PCDHGA1: variants seen among roughly 807,000 people sequenced by gnomAD.
PCDHGA1 encodes the protein protocadherin gamma subfamily A, 1.
In PCDHGA1, 32 loss-of-function variants were observed where a neutral mutation model predicts 58.0. The ratio of observed to expected loss-of-function variants is 0.55; its 90% CI spans 0.42 to 0.74. PCDHGA1 has a LOEUF of 0.74. PCDHGA1 is among the 30% of genes least tolerant of loss of function. The pLI, the probability that PCDHGA1 is intolerant of heterozygous loss-of-function variation, is 0.00. For synonymous variants in PCDHGA1, 498 were observed against 501.1 expected (o/e 0.99, Z 0.08); for missense variants, 1,205 against 1,182.3 (o/e 1.02, Z -0.28).
chr5:141,430,910 G>C, intron 1 of PCDHGA1: 2 of 1,608,040 alleles, frequency 1.2e-6, no homozygotes, highest in South Asian at 1.1e-5. Context: ...CATCTCCAGG[G>C]ACCTGGGGCT....
Position 141,476,873 on chromosome 5 carries a change from G to A in PCDHGA1, c.2422-17934G>A. 1.9e-6 allele frequency: 3 copies of A among 1,613,936 alleles called. No homozygotes were observed. Among genetic ancestry groups the A allele is most frequent in the Non-Finnish European group, 2.5e-6 (3 of 1,180,038 alleles). Reference sequence around the variant, plus strand: ...CAACCAGTCCTTGTACCGGGCGCGCGTCCTGGAGGATGCACCCTCCGGCAC... The same window carrying A: ...CAACCAGTCCTTGTACCGGGCGCGCATCCTGGAGGATGCACCCTCCGGCAC... On this transcript the variant is annotated intron_variant, in intron 1 of 3. Transcript: ENST00000517417. The surrounding 1 kb of genome is among the most constrained non-coding windows in gnomAD (Gnocchi z 7.6).
intron 1 of PCDHGA1, among the ~76,000 whole-genome samples, chr5:141,437,452 G>GACTAT (rs1319101256): frequency 6.6e-6 from 1 of 152,144 alleles, no homozygotes; most frequent in Non-Finnish European, 1.5e-5. Context: ...ATGTTGAGGA[G>GACTAT]ACTATACTAT....
chr5:141,361,971 C>G (rs766740783), intron 1 of PCDHGA1: 1 of 1,601,080 alleles, frequency 6.2e-7, no homozygotes, highest in South Asian at 1.1e-5. Context: ...TGCAGGCCAG[C>G]GAGCCCGGGC....
intron 1 of PCDHGA1, among the ~76,000 whole-genome samples, chr5:141,466,815 A>G (rs1019952491): frequency 1.3e-5 from 2 of 152,182 alleles, no homozygotes; most frequent in Non-Finnish European, 2.9e-5. Flanking sequence ...CAGACATGGT[A>G]TAACAAGTTA....
chr5:141,492,487 C>T (rs1031047955), intron 1 of PCDHGA1, among the ~76,000 whole-genome samples: 1 of 152,222 alleles, frequency 6.6e-6, no homozygotes, highest in Non-Finnish European at 1.5e-5. Context: ...CGCCCAGGAC[C>T]AGGCGAGGAC....
intron 3 of PCDHGA1, 43 bp from the exon 4 acceptor site, chr5:141,510,903 GA>G: frequency 6.2e-7 from 1 of 1,613,454 alleles, no homozygotes; most frequent in Non-Finnish European, 8.5e-7. Flanking sequence ...GACTGTTGAG[GA>G]CCCTAAGTTT....
intron 1 of PCDHGA1, chr5:141,361,711 C>T (rs1232188461): frequency 6.2e-7 from 1 of 1,613,302 alleles, no homozygotes; most frequent in African/African-American, 1.3e-5. Flanking sequence ...TGAGCAGCTG[C>T]GCGCCTTCGA....
At position 141,356,140 on chromosome 5, in the gene PCDHGA1, T is replaced by C. The variant is rs756946574; in HGVS notation, c.2421+23035T>C. ...GGGTCTAGATTATGAGGACTCTGGA[T>C]TCTATGACATAGATGTAGAAGCCCA... On this transcript the variant is annotated intron_variant, in intron 1 of 3. Transcript: ENST00000517417. 2.0e-5 allele frequency: 32 copies of C among 1,613,616 alleles called. No homozygotes were observed. Among genetic ancestry groups the C allele is most frequent in the Non-Finnish European group, 2.5e-5 (30 of 1,179,778 alleles).
In PCDHGA1 at chr5:141,357,378, C is replaced by A. The variant is rs1489356884; in HGVS notation, c.2421+24273C>A. 3 of 1,614,096 alleles carry A rather than the reference C, an allele frequency of 1.9e-6. No individual in the cohort carries two copies. The South Asian group carries it at 3.3e-5, about 18-fold the overall frequency. On this transcript the variant is annotated intron_variant, in intron 1 of 3. Transcript: ENST00000517417. ...GCTGGCACAAGTCACGCCTGCTTCA[C>A]GCTGAAGGCAGCAGGTTGGCAGGTG...
In PCDHGA1 at chr5:141,333,056, T is replaced by C. The variant is rs1588439762; in HGVS notation, c.2372T>C (p.Leu791Pro). ...GAGAGCTGTGAGAAAAAGGGTTTTC[T>C]ATCAGCACCCCAGTCTTTACTTGAA... The part of the protein sequence containing the change: ...SQESCEKKGF[L>P]SAPQSLLEDK... The change falls in exon 1 of 4, where the codon CTA (leucine) becomes CCA (proline). Residue 791 changes from leucine to proline, a missense_variant. Transcript: ENST00000517417. 1 of 1,614,248 alleles carries C rather than the reference T, an allele frequency of 6.2e-7. No homozygotes were observed. Among genetic ancestry groups the C allele is most frequent in the East Asian group, 2.2e-5 (1 of 44,880 alleles).
chr5:141,438,231 TG>T (rs987686126), intron 1 of PCDHGA1, among the ~76,000 whole-genome samples: 1 of 152,082 alleles, frequency 6.6e-6, no homozygotes, highest in African/African-American at 2.4e-5. Context: ...TTCAGGAAAA[TG>T]TTTTTAAAAA....
intron 1 of PCDHGA1, chr5:141,415,899 G>A (rs1224954481): frequency 1.2e-6 from 1 of 869,552 alleles, no homozygotes; most frequent in Non-Finnish European, 1.6e-6. Flanking sequence ...TCCTAAGACA[G>A]ACTTCCATAC....
intron 1 of PCDHGA1, among the ~76,000 whole-genome samples, chr5:141,459,098 A>G (rs993134478): frequency 2.0e-5 from 3 of 152,206 alleles, no homozygotes; most frequent in African/African-American, 7.2e-5. Flanking sequence ...ATACAGTGCA[A>G]TGCATTTTGA....
chr5:141,384,259 C>T, intron 1 of PCDHGA1: 2 of 1,613,886 alleles, frequency 1.2e-6, no homozygotes, highest in African/African-American at 1.3e-5. Flanking sequence ...CACCTTCCCC[C>T]ACTCATCCTA....
chr5:141,422,243 T>C, intron 1 of PCDHGA1: 12 of 1,566,082 alleles, frequency 7.7e-6, no homozygotes, highest in Non-Finnish European at 1.0e-5. Flanking sequence ...ATCACTGTTG[T>C]GGATGTGAAT....
intron 1 of PCDHGA1, chr5:141,365,006 A>ACG: frequency 4.3e-6 from 7 of 1,613,882 alleles, no homozygotes; most frequent in Non-Finnish European, 5.9e-6. Flanking sequence ...CTCCGGCACC[A>ACG]CGCACATCCG....
intron 1 of PCDHGA1, chr5:141,478,165 C>A: frequency 1.2e-6 from 2 of 1,614,038 alleles, no homozygotes; most frequent in Non-Finnish European, 1.7e-6. Context: ...GCTCTGCCCC[C>A]CGGGAGCAGA....
At chr5:141,414,790 A>G (rs1190584746) in intron 1 of PCDHGA1, 1 of 1,614,226 alleles carries the variant, frequency 6.2e-7, no homozygotes, top group South Asian at 1.1e-5. Context: ...GGTGACAGCC[A>G]GCGACAGCGG....
chr5:141,371,638 T>A, intron 1 of PCDHGA1: 1 of 1,613,996 alleles, frequency 6.2e-7, no homozygotes, highest in Non-Finnish European at 8.5e-7. Context: ...CGGGAGCAGA[T>A]CCCAGAATAC....
Sources: gnomAD v4.1 joint callset for allele counts (sites outside exome capture counted in the v4.1 genomes callset) on GRCh38, gnomAD v4.1.1 for gene constraint, Gnocchi (gnomAD v3.1) non-coding constraint, MANE v1.5 for transcripts, NCBI Gene and HGNC (gene_info 2026-07-23, HGNC 2026-07-21) for gene names.